Variants in PLCXD1 observed in about 807,000 individuals in gnomAD.
PLCXD1 encodes the protein phosphatidylinositol specific phospholipase C X domain containing 1, also known as PI-PLC X domain-containing protein 1.
In PLCXD1, 45 loss-of-function variants were observed where a neutral mutation model predicts 37.8. That is an observed-to-expected ratio of 1.19 (90% CI 0.94 to 1.53). The LOEUF is 1.53. Ranked by LOEUF, PLCXD1 falls within the 40% of genes most tolerant of loss-of-function variation. PLCXD1 has a pLI of 0.00. For synonymous variants in PLCXD1, 246 were observed against 206.9 expected (o/e 1.19, Z -1.62); for missense variants, 539 against 454.7 (o/e 1.19, Z -1.69).
chrX:294,730 G>A (rs988291478), intron 6 of PLCXD1, among the ~76,000 whole-genome samples: 3 of 152,050 alleles, frequency 2.0e-5, no homozygotes, highest in Non-Finnish European at 2.9e-5. Flanking sequence ...CTTGAACCAG[G>A]AAGGCGGAGG....
intron 5 of PLCXD1, among the ~76,000 whole-genome samples, chrX:292,235 C>T (rs1282040248): frequency 6.6e-6 from 1 of 152,000 alleles, no homozygotes; most frequent in Admixed American, 6.6e-5. Context: ...GCGGGCGGAT[C>T]ATGAGGTCAG....
At chrX:289,305 T>C (rs1326001321) in intron 3 of PLCXD1, among the ~76,000 whole-genome samples, 1 of 152,024 alleles carries the variant, frequency 6.6e-6, no homozygotes, top group Non-Finnish European at 1.5e-5. Flanking sequence ...GTCAGGATGG[T>C]CTTGATCTCC....
intron 2 of PLCXD1, among the ~76,000 whole-genome samples, chrX:285,622 C>T (rs1328683479): frequency 6.7e-6 from 1 of 149,344 alleles, no homozygotes; most frequent in African/African-American, 2.6e-5. Flanking sequence ...TACACAGGCA[C>T]ACATGCACAT....
chrX:296,801 C>A (rs1198151925), intron 6 of PLCXD1, among the ~76,000 whole-genome samples: 1 of 152,070 alleles, frequency 6.6e-6, no homozygotes, highest in African/African-American at 2.4e-5. Context: ...GGGATTAGGA[C>A]GTGGACATCT....
At chrX:292,638 AGTCTCGGTCT>A (rs1194424396) in intron 5 of PLCXD1, among the ~76,000 whole-genome samples, 2 of 147,310 alleles carry the variant, frequency 1.4e-5, no homozygotes, top group Non-Finnish European at 3.0e-5. Flanking sequence ...TTTGAGAGGG[AGTCTCGGTCT>A]GTCTCCCAGG....
intron 2 of PLCXD1, among the ~76,000 whole-genome samples, chrX:288,401 C>T (rs1323612328): frequency 6.6e-6 from 1 of 152,090 alleles, no homozygotes; most frequent in Non-Finnish European, 1.5e-5. Flanking sequence ...CCAGTCTCTG[C>T]CTCCGTCTCC....
At chrX:294,688 C>T (rs1167734851) in intron 6 of PLCXD1, among the ~76,000 whole-genome samples, 1 of 151,994 alleles carries the variant, frequency 6.6e-6, no homozygotes, top group African/African-American at 2.4e-5. Context: ...CCTATAATCC[C>T]AGCTACTCAG....
upstream of PLCXD1, among the ~76,000 whole-genome samples, chrX:277,194 G>C (rs149109909): frequency 0.12 from 17,673 of 141,806 alleles, 1,346 homozygotes; most frequent in East Asian, 0.26. Context: ...GGCGTCGGGG[G>C]ACCTGGGGAC....
In PLCXD1 at chrX:302,476, C is replaced by T. The variant is rs1338194933; in HGVS notation, c.*3141C>T. On this transcript the variant is annotated 3_prime_UTR_variant, in exon 7 of 7. Coordinates refer to ENST00000381657, the MANE Select transcript of PLCXD1 (RefSeq NM_018390.4). Reference sequence around the variant, plus strand: ...TGGCACGATCTCAGCTCACTGCAACCTCTGCCTCCCGGGTTCAAGTGATTC... The same window carrying T: ...TGGCACGATCTCAGCTCACTGCAACTTCTGCCTCCCGGGTTCAAGTGATTC... 3 of 152,216 alleles carry T rather than the reference C, an allele frequency of 2.0e-5. No individual in the cohort carries two copies. The highest frequency in any genetic ancestry group is 3.2e-3 in the Middle Eastern group (1 of 316). The allele number at this position is 152,216 out of a possible 1,614,324, so 9.4% of individuals were successfully genotyped here.
At chrX:282,733 AG>A (rs1283313782) in intron 1 of PLCXD1, among the ~76,000 whole-genome samples, 1 of 150,150 alleles carries the variant, frequency 6.7e-6, no homozygotes, top group Non-Finnish European at 1.5e-5. Context: ...CAACCAAAAA[AG>A]TTATATACAC....
At chrX:279,597 C>T, upstream of PLCXD1, among the ~76,000 whole-genome samples, 1 of 151,892 alleles carries the variant, frequency 6.6e-6, no homozygotes, top group South Asian at 2.1e-4. Flanking sequence ...CATGGTGAGA[C>T]CCCCGTTGCT....
At chrX:295,637 G>T (rs992547920) in intron 6 of PLCXD1, among the ~76,000 whole-genome samples, 28 of 151,288 alleles carry the variant, frequency 1.9e-4, no homozygotes, top group Non-Finnish European at 3.8e-4. Context: ...CCATTCTCCT[G>T]CCTCAGCCTC....
intron 6 of PLCXD1, 58 bp downstream of exon 6, chrX:293,276 G>T: frequency 7.3e-7 from 1 of 1,363,446 alleles, no homozygotes; most frequent in Non-Finnish European, 1.0e-6. Context: ...ACGCCCTGCG[G>T]CAGGCCGGGT....
At position 288,945 on chromosome X, in the gene PLCXD1, C is replaced by T. The variant is rs1037168128; in HGVS notation, c.264+76C>T. The T allele has an allele frequency of 1.1e-5, 16 of 1,432,812 alleles. No homozygotes were observed. In the African/African-American group the frequency reaches 2.1e-4, roughly 19 times the overall value. 88.8% of individuals were successfully genotyped at this position (1,432,812 alleles called of 1,614,324 possible). On this transcript the variant is annotated intron_variant, in intron 3 of 6. Transcript: ENST00000381657. Reference sequence around the variant, plus strand: ...CCACGGCCCCGTGGTGCTGAAATGGCCCCTCACCCAGGTAGGGTTTGAGTG... The same window carrying T: ...CCACGGCCCCGTGGTGCTGAAATGGTCCCTCACCCAGGTAGGGTTTGAGTG...
chrX:285,345 C>T (rs1280412835), intron 2 of PLCXD1, among the ~76,000 whole-genome samples: 3 of 127,614 alleles, frequency 2.4e-5, no homozygotes, highest in Admixed American at 7.3e-5. Context: ...CACATGCACA[C>T]GTGTACACAT....
At chrX:294,676 C>T (rs1163454639) in intron 6 of PLCXD1, among the ~76,000 whole-genome samples, 8 of 151,808 alleles carry the variant, frequency 5.3e-5, no homozygotes, top group East Asian at 1.9e-4. Context: ...TGGTGATGCG[C>T]GCCTATAATC....
chrX:295,168 T>TG lies in PLCXD1; in HGVS notation c.733+1953dup, dbSNP rs1293305326. ...TGGGCAACAGAGCGAGACTCCATCT[T>TG]GGGAAAAAAAAAAAAAGGTAACTTT... is the stretch of plus-strand genomic sequence containing the variant. On this transcript the variant is annotated intron_variant, in intron 6 of 6. Transcript: ENST00000381657. Among the ~76,000 whole-genome samples, 190 of 149,182 alleles carry TG rather than the reference T, an allele frequency of 1.3e-3. 1 individual carries two copies. Among genetic ancestry groups the TG allele is most frequent in the African/African-American group, 4.3e-3 (171 of 40,028 alleles).
intron 6 of PLCXD1, among the ~76,000 whole-genome samples, chrX:297,421 C>T (rs866778584): frequency 3.0e-5 from 2 of 65,732 alleles, no homozygotes; most frequent in Admixed American, 1.5e-4. Flanking sequence ...ATTCTGTCTC[C>T]CACATGGGGA....
chrX:295,919 C>T (rs2069791800), intron 6 of PLCXD1, among the ~76,000 whole-genome samples: 1 of 152,056 alleles, frequency 6.6e-6, no homozygotes, highest in Non-Finnish European at 1.5e-5. Flanking sequence ...TGGCTCACTG[C>T]AGCCTTCGCC....
Sources: allele counts gnomAD v4.1 joint callset (sites outside exome capture counted in the v4.1 genomes callset), GRCh38; gene constraint gnomAD v4.1.1; transcripts MANE v1.5; gene names NCBI Gene and HGNC (gene_info 2026-07-23, HGNC 2026-07-21).